Variants in STOX2 observed in about 807,000 individuals in gnomAD.
The protein encoded by STOX2 is storkhead box 2.
STOX2 carries 28 observed loss-of-function variants against 60.9 expected under a neutral mutation model. That is an observed-to-expected ratio of 0.46 (90% CI 0.34 to 0.63). The LOEUF (loss-of-function observed/expected upper bound fraction) is 0.63, where lower values mean the gene tolerates loss of function less well. Ranked by LOEUF, STOX2 falls within the 30% of genes least tolerant of loss-of-function variation. The probability of loss-of-function intolerance (pLI) is 0.01; values close to 1 mark genes in which losing one functional copy is unlikely to be tolerated. For synonymous variants in STOX2, 472 were observed against 463.9 expected (o/e 1.02, Z -0.22); for missense variants, 1,024 against 1,187.7 (o/e 0.86, Z 2.03).
intron 1 of STOX2, among the ~76,000 whole-genome samples, chr4:183,829,110 C>T (rs976724830): frequency 1.2e-4 from 18 of 152,302 alleles, no homozygotes; most frequent in African/African-American, 4.3e-4. Context: ...CATTAAGAAA[C>T]AAGAGAATTT....
Position 183,857,584 on chromosome 4 carries a change from T to A in STOX2, c.364+59529T>A, listed in dbSNP as rs1275360062. 3.3e-5 allele frequency among the ~76,000 whole-genome samples: 5 copies of A among 152,204 alleles called. No homozygotes were observed. The East Asian group carries it at 9.6e-4, about 29-fold the overall frequency. ...TTATTTTTCCTCTTCTCCACATAAC[T>A]TAAAAGATGTTCTGCTTTCATTCCT... On this transcript the variant is annotated intron_variant, in intron 1 of 2. Transcript: ENST00000513034.
intron 1 of STOX2, among the ~76,000 whole-genome samples, chr4:183,852,783 G>A (rs1235604875): frequency 6.6e-6 from 1 of 152,192 alleles, no homozygotes; most frequent in Non-Finnish European, 1.5e-5. Context: ...TTTGTAAGTT[G>A]GTGTAAGGGT....
intron 1 of STOX2, among the ~76,000 whole-genome samples, chr4:183,941,231 A>C (rs972919882): frequency 2.0e-5 from 3 of 152,148 alleles, no homozygotes; most frequent in African/African-American, 2.4e-5. Context: ...ATTCTTACTC[A>C]TCCTTTTGGT....
At chr4:183,928,245 A>G (rs1313838261) in intron 1 of STOX2, among the ~76,000 whole-genome samples, 1 of 151,718 alleles carries the variant, frequency 6.6e-6, no homozygotes, top group Non-Finnish European at 1.5e-5. Context: ...TATCTGGTGT[A>G]CCCTTCTGTT....
chr4:183,852,104 G>A (rs62652540), intron 1 of STOX2, among the ~76,000 whole-genome samples: 1,847 of 18,620 alleles, frequency 0.099, no homozygotes, highest in South Asian at 0.14. Context: ...AAAGGATGAG[G>A]GAAAGGATGA....
At chr4:183,800,101 A>T (rs551813782) in intron 1 of STOX2, among the ~76,000 whole-genome samples, 1 of 152,338 alleles carries the variant, frequency 6.6e-6, no homozygotes, top group East Asian at 1.9e-4. Context: ...CTGGAATTCC[A>T]ATTTTGCTTC....
chr4:183,965,175 G>C (rs1171224458), intron 1 of STOX2, among the ~76,000 whole-genome samples: 1 of 152,184 alleles, frequency 6.6e-6, no homozygotes, highest in Non-Finnish European at 1.5e-5. Context: ...CGTTTTCTTG[G>C]TGACAAGGCA....
intron 1 of STOX2, among the ~76,000 whole-genome samples, chr4:183,859,096 A>G (rs1180295122): frequency 6.6e-6 from 1 of 152,118 alleles, no homozygotes; most frequent in African/African-American, 2.4e-5. Flanking sequence ...AAGATCTATT[A>G]TTTGGACCAA....
chr4:184,014,577 AAAAAAAC>A (rs939203043), intron 3 of STOX2: 15 of 152,164 alleles, frequency 9.9e-5, no homozygotes, highest in African/African-American at 1.7e-4. Context: ...TCTTTAAAAA[AAAAAAAC>A]AAAAAACAAA....
rs566346642 is a variant in STOX2, at chr4:183,954,354, T to C, written c.167-46971T>C. Among the ~76,000 whole-genome samples the C allele has an allele frequency of 4.6e-5, 7 of 152,178 alleles. No individual in the cohort carries two copies. The South Asian group carries it at 1.0e-3, about 23-fold the overall frequency. ...CCCAGGCTGGAGTGCAGTGGCATGA[T>C]CTTGGCTCGCTGCAACCTCCGCTTC... On this transcript the variant is annotated intron_variant, in intron 1 of 3. Transcript: ENST00000308497.
intron 1 of STOX2, among the ~76,000 whole-genome samples, chr4:183,896,664 C>A (rs1408391753): frequency 6.6e-6 from 1 of 152,192 alleles, no homozygotes; most frequent in Non-Finnish European, 1.5e-5. Flanking sequence ...TAGTATATTT[C>A]TTCCTACTGC....
chr4:183,897,772 A>C (rs1316138727), intron 1 of STOX2, among the ~76,000 whole-genome samples: 2 of 152,242 alleles, frequency 1.3e-5, no homozygotes, highest in Non-Finnish European at 2.9e-5. Context: ...ATTGAACAGA[A>C]GTCAGCTGGC....
intron 1 of STOX2, among the ~76,000 whole-genome samples, chr4:183,959,602 C>T (rs994123842): frequency 5.3e-5 from 8 of 152,134 alleles, no homozygotes; most frequent in Admixed American, 3.9e-4. Context: ...AAGATCTTCT[C>T]GCTGTGCTTT....
rs147097183 is a variant in STOX2, at chr4:183,814,447, C to T, written c.364+16392C>T. ...AATGGCTCTTGGTTTGTTCATTTTGCGGACAAAGACACTGAGCTTAGAGAG... is the reference window on the plus strand; with the variant it reads ...AATGGCTCTTGGTTTGTTCATTTTGTGGACAAAGACACTGAGCTTAGAGAG... On this transcript the variant is annotated intron_variant, in intron 1 of 2. Transcript: ENST00000513034. 1.8e-3 allele frequency among the ~76,000 whole-genome samples: 267 copies of T among 152,224 alleles called. 1 individual carries two copies. The highest frequency in any genetic ancestry group is 6.2e-3 in the African/African-American group (257 of 41,526).
chr4:183,953,944 TGG>T (rs903040826), intron 1 of STOX2, among the ~76,000 whole-genome samples: 2 of 152,076 alleles, frequency 1.3e-5, no homozygotes, highest in African/African-American at 4.8e-5. Context: ...AGCCGGAAAG[TGG>T]TTCTGAATAG....
intron 1 of STOX2, among the ~76,000 whole-genome samples, chr4:183,812,993 T>C (rs935050749): frequency 6.6e-6 from 1 of 152,236 alleles, no homozygotes; most frequent in South Asian, 2.1e-4. Context: ...TTTAAAAAAA[T>C]AATTTGCATT....
At chr4:183,811,010 T>A (rs910236850) in intron 1 of STOX2, among the ~76,000 whole-genome samples, 1 of 151,954 alleles carries the variant, frequency 6.6e-6, no homozygotes, top group Non-Finnish European at 1.5e-5. Flanking sequence ...AGAAACCTGA[T>A]CAGATATCAA....
intron 1 of STOX2, among the ~76,000 whole-genome samples, chr4:183,867,616 T>C (rs2111160195): frequency 6.6e-6 from 1 of 152,372 alleles, no homozygotes; most frequent in East Asian, 1.9e-4. Context: ...TCTGAGGTTA[T>C]CCATCGTTTG....
In STOX2 at chr4:184,010,830, C is replaced by T. The variant is rs763734938; in HGVS notation, c.1992C>T (p.Gly664=). Residue 664 remains glycine, a synonymous_variant, in exon 3 of 4, where the codon GGC becomes GGT. Transcript: ENST00000308497. This position sits in a 1 kb window ranked among gnomAD's most constrained non-coding sequence, Gnocchi z 4.5. ...KEESPKGPGG[G]PAASGGVAEG... is the part of the protein sequence containing the mutation. ...AGTCACCAAAAGGGCCGGGTGGGGG[C>T]CCCGCTGCTTCGGGAGGAGTGGCTG... 2 of 1,591,136 alleles carry T rather than the reference C, an allele frequency of 1.3e-6. No homozygotes were observed. The highest frequency in any genetic ancestry group is 8.6e-7 in the Non-Finnish European group (1 of 1,168,822).
Sources: gnomAD v4.1 joint callset for allele counts (sites outside exome capture counted in the v4.1 genomes callset) on GRCh38, gnomAD v4.1.1 for gene constraint, Gnocchi (gnomAD v3.1) non-coding constraint, MANE v1.5 for transcripts, NCBI Gene and HGNC (gene_info 2026-07-23, HGNC 2026-07-21) for gene names.